The following PSG9 variants were observed in gnomAD, a reference collection of about 807,000 sequenced individuals.
PSG9 encodes pregnancy-specific beta-1-glycoprotein 9.
A neutral mutation model predicts 41.9 loss-of-function variants in PSG9; 49 were observed. That is an observed-to-expected ratio of 1.17 (90% confidence interval 0.93 to 1.48). The LOEUF (loss-of-function observed/expected upper bound fraction) is 1.48. Ranked by LOEUF, PSG9 falls within the 40% of genes most tolerant of loss-of-function variation. PSG9 has a pLI of 0.00. For synonymous variants in PSG9, 263 were observed against 196.8 expected, an observed-to-expected ratio of 1.34 and a Z score of -2.82; for missense variants, 641 against 520.3, an observed-to-expected ratio of 1.23 and a Z score of -2.26.
Position 43,258,480 on chromosome 19 carries a change from C to G in PSG9, c.989-24G>C, listed in dbSNP as rs951740407. The G allele has an allele frequency of 2.0e-6, 3 of 1,537,222 alleles. 1 individual carries two copies. The highest frequency in any genetic ancestry group is 5.4e-5 in the East Asian group (2 of 37,138). On this transcript the variant is annotated intron_variant, in intron 4 of 5. Coordinates refer to ENST00000270077, the MANE Select transcript of PSG9 (RefSeq NM_002784.5). ...ATCTGGAGGAAAGAGAATAAAGCCA[C>G]ACGTGATGTCATTCGAGGGAAGGGG...
At chr19:43,253,798 T>C (rs1156591667) in intron 5 of PSG9, 152 bp from the exon 6 acceptor site, 1 of 540,354 alleles carries the variant, frequency 1.9e-6, no homozygotes, top group South Asian at 2.7e-5. Context: ...GGTTGGAGGA[T>C]TCCCCATCAG....
chr19:43,268,635 C>T lies in PSG9; in HGVS notation c.65-486G>A, dbSNP rs565723142. On this transcript the variant is annotated intron_variant, in intron 1 of 5. Transcript: ENST00000270077. ...CTTCCTCCCCATGACAGCGTGAGCT[C>T]CGTGAGGACAGGGACTTTTGTGATC... Among the ~76,000 whole-genome samples, 18 of 152,298 alleles carry T rather than the reference C, an allele frequency of 1.2e-4. No individual in the cohort carries two copies. In the South Asian group the frequency reaches 3.7e-3, roughly 32 times the overall value.
Position 43,253,716 on chromosome 19 carries a change from C to T in PSG9, c.1244-70G>A. The stretch of plus-strand genomic sequence containing the variant: ...CTCCTTTACACAGAAAGCTTCTTTC[C>T]TACAGGCTCCCAGGAAGGGTGTGAA... On this transcript the variant is annotated intron_variant, in intron 5 of 5. Coordinates refer to ENST00000270077, the MANE Select transcript of PSG9 (RefSeq NM_002784.5). 3.2e-6 allele frequency: 3 copies of T among 938,532 alleles called. No homozygotes were observed. The South Asian group carries it at 4.8e-5, about 15-fold the overall frequency. The allele number at this position is 938,532 out of a possible 1,614,324, so 58.1% of individuals were successfully genotyped here.
intron 2 of PSG9, among the ~76,000 whole-genome samples, chr19:43,266,178 C>G (rs1484723435): frequency 4.0e-5 from 6 of 151,880 alleles, no homozygotes; most frequent in Non-Finnish European, 8.8e-5. Flanking sequence ...CCAGGTGCCC[C>G]CAGTTCCACA....
chr19:43,258,491 A>T, intron 4 of PSG9, 35 bp from the exon 5 acceptor site: 1 of 1,529,684 alleles, frequency 6.5e-7, no homozygotes, highest in South Asian at 1.3e-5. Flanking sequence ...ACGTGATGTC[A>T]TTCGAGGGAA....
intron 3 of PSG9, among the ~76,000 whole-genome samples, chr19:43,261,031 T>C (rs1968686636): frequency 6.6e-6 from 1 of 152,128 alleles, no homozygotes; most frequent in Non-Finnish European, 1.5e-5. Flanking sequence ...GTCTAAAGAA[T>C]GATCTAGAAA....
intron 2 of PSG9, among the ~76,000 whole-genome samples, chr19:43,263,174 T>C (rs1196682307): frequency 6.6e-6 from 1 of 152,070 alleles, no homozygotes; most frequent in Non-Finnish European, 1.5e-5. Context: ...AGAATAGTAG[T>C]TTGCAGGAGC....
chr19:43,268,344 T>C (rs1382385735), intron 1 of PSG9, among the ~76,000 whole-genome samples, 195 bp from the exon 2 acceptor site: 1 of 152,074 alleles, frequency 6.6e-6, no homozygotes, highest in African/African-American at 2.4e-5. Context: ...ACTGTCCTAC[T>C]AGGTCAAGGT....
chr19:43,265,564 C>T (rs1968927330), intron 2 of PSG9, among the ~76,000 whole-genome samples: 1 of 152,214 alleles, frequency 6.6e-6, no homozygotes, highest in Middle Eastern at 3.4e-3. Context: ...TAGTCCTGTG[C>T]CCCTGAAACG....
chr19:43,253,773 C>G, intron 5 of PSG9, 127 bp from the exon 6 acceptor site: 2 of 582,306 alleles, frequency 3.4e-6, no homozygotes, highest in Non-Finnish European at 5.9e-6. Flanking sequence ...CTCTATTTAA[C>G]TCTAATGGGT....
intron 1 of PSG9, 146 bp downstream of exon 1, chr19:43,269,222 T>A (rs142860677): frequency 9.3e-6 from 13 of 1,398,384 alleles, no homozygotes; most frequent in East Asian, 2.4e-5. Context: ...GCCGGACTGA[T>A]CTTGAACTCC....
intron 2 of PSG9, among the ~76,000 whole-genome samples, chr19:43,266,959 C>A (rs1968998062): frequency 6.6e-6 from 1 of 152,182 alleles, no homozygotes; most frequent in Admixed American, 6.5e-5. Flanking sequence ...TTCACAGTCA[C>A]CTGACCTAAT....
In PSG9 at chr19:43,254,932, T is replaced by TA. The variant is rs74977109; in HGVS notation, c.1244-1287dup. ...GGGAGATGCTGTCTCTACAAAAAAA[T>TA]AAAAAAAAATTAGCTGGGCATGGTG... On this transcript the variant is annotated intron_variant, in intron 5 of 5. Coordinates refer to ENST00000270077, the MANE Select transcript of PSG9 (RefSeq NM_002784.5). 1.0e-4 allele frequency among the ~76,000 whole-genome samples: 14 copies of TA among 140,388 alleles called. 1 individual carries two copies. The highest frequency in any genetic ancestry group is 2.3e-4 in the South Asian group (1 of 4,406). 92.1% of individuals were successfully genotyped at this position (140,388 alleles called of 152,430 possible).
At chr19:43,254,856 C>A in intron 5 of PSG9, among the ~76,000 whole-genome samples, 1 of 145,588 alleles carries the variant, frequency 6.9e-6, no homozygotes, top group African/African-American at 2.6e-5. Context: ...TGGGAGGTCA[C>A]AGCAGAAGGA....
chr19:43,269,272 G>C (rs2122142411), intron 1 of PSG9, 96 bp downstream of exon 1: 1 of 1,591,428 alleles, frequency 6.3e-7, no homozygotes, highest in East Asian at 2.3e-5. Flanking sequence ...CCTAAGAGCT[G>C]GCTTCTTTTA....
At chr19:43,268,687 G>C (rs1242306231) in intron 1 of PSG9, among the ~76,000 whole-genome samples, 1 of 152,180 alleles carries the variant, frequency 6.6e-6, no homozygotes, top group African/African-American at 2.4e-5. Context: ...GCCTGGGACA[G>C]GCTGCAGACT....
At chr19:43,267,323 G>T (rs555105061) in intron 2 of PSG9, among the ~76,000 whole-genome samples, 107 of 152,232 alleles carry the variant, frequency 7.0e-4, no homozygotes, top group Admixed American at 1.9e-3. Context: ...GCCTGCCCAA[G>T]AAGCCACAAC....
intron 5 of PSG9, among the ~76,000 whole-genome samples, chr19:43,255,941 C>G (rs975956795): frequency 6.8e-6 from 1 of 146,296 alleles, no homozygotes; most frequent in African/African-American, 2.6e-5. Context: ...AAAGTGACTG[C>G]AGATTCAATA....
intron 2 of PSG9, among the ~76,000 whole-genome samples, chr19:43,265,933 T>C (rs2122122122): frequency 6.6e-6 from 1 of 152,174 alleles, no homozygotes; most frequent in Middle Eastern, 3.4e-3. Flanking sequence ...GTGCCTTTCC[T>C]ATTTCCTGGG....
Sources: allele counts gnomAD v4.1 joint callset (sites outside exome capture counted in the v4.1 genomes callset), GRCh38; gene constraint gnomAD v4.1.1; transcripts MANE v1.5; gene names NCBI Gene and HGNC (gene_info 2026-07-23, HGNC 2026-07-21).